SSPN: variants seen among roughly 807,000 people sequenced by gnomAD.
The protein encoded by SSPN is K-ras oncogene-associated protein.
SSPN carries 15 observed loss-of-function variants against 19.1 expected under a neutral mutation model. The observed-to-expected ratio is 0.78, with a 90% CI of 0.52 to 1.21. SSPN has a LOEUF of 1.21. Ranked by LOEUF, SSPN falls within the 50% of genes most tolerant of loss-of-function variation. The probability of loss-of-function intolerance (pLI) is 0.00; values close to 1 mark genes in which losing one functional copy is unlikely to be tolerated. For missense variants in SSPN, 291 were observed against 314.0 expected, an observed-to-expected ratio of 0.93 and a Z score of 0.55; for synonymous variants, 147 against 140.3, an observed-to-expected ratio of 1.05 and a Z score of -0.34.
chr12:26,178,269 T>C (rs529962274), intron 1 of SSPN, among the ~76,000 whole-genome samples: 17 of 152,338 alleles, frequency 1.1e-4, no homozygotes, highest in African/African-American at 3.8e-4. Flanking sequence ...AACTTCTCCG[T>C]GTGCTTTGGT....
intron 1 of SSPN, among the ~76,000 whole-genome samples, chr12:26,174,823 C>T (rs1944674807): frequency 6.6e-6 from 1 of 152,088 alleles, no homozygotes; most frequent in Non-Finnish European, 1.5e-5. Flanking sequence ...GCCCGGCCTC[C>T]CCCTACCATT....
chr12:26,159,557 C>G (rs184809359), intron 1 of SSPN, among the ~76,000 whole-genome samples: 20 of 152,326 alleles, frequency 1.3e-4, no homozygotes, highest in African/African-American at 4.8e-4. Context: ...TTCTGTCTTT[C>G]TGGATGATGG....
intron 1 of SSPN, among the ~76,000 whole-genome samples, chr12:26,207,529 G>A (rs1334122313): frequency 1.3e-5 from 2 of 152,022 alleles, no homozygotes; most frequent in Non-Finnish European, 2.9e-5. Context: ...TTATGCATAA[G>A]CCTGTTTTCA....
chr12:26,128,509 C>A (rs1944379613), intron 1 of SSPN, among the ~76,000 whole-genome samples: 1 of 152,174 alleles, frequency 6.6e-6, no homozygotes, highest in African/African-American at 2.4e-5. Flanking sequence ...CTCTGCTGAG[C>A]AAACTGAGCC....
chr12:26,200,618 TG>T (rs1944868652), intron 1 of SSPN, among the ~76,000 whole-genome samples: 1 of 152,210 alleles, frequency 6.6e-6, no homozygotes, highest in African/African-American at 2.4e-5. Context: ...GAGAAAGGTT[TG>T]GCATTAGGGT....
intron 1 of SSPN, among the ~76,000 whole-genome samples, chr12:26,174,026 T>G (rs1371099599): frequency 6.6e-6 from 1 of 152,166 alleles, no homozygotes; most frequent in Non-Finnish European, 1.5e-5. Context: ...AACCATCCTA[T>G]GACATGGAAG....
intron 1 of SSPN, among the ~76,000 whole-genome samples, chr12:26,158,957 CAG>C (rs770975503): frequency 6.6e-6 from 1 of 152,368 alleles, no homozygotes; most frequent in East Asian, 1.9e-4. Flanking sequence ...CTGACAGCAG[CAG>C]AGACAGCTGG....
chr12:26,193,097 A>G (rs1187213904), upstream of SSPN, among the ~76,000 whole-genome samples: 1 of 152,232 alleles, frequency 6.6e-6, no homozygotes, highest in Non-Finnish European at 1.5e-5. Flanking sequence ...GAATCAAGAT[A>G]TTTTTGTAAA....
intron 1 of SSPN, among the ~76,000 whole-genome samples, chr12:26,141,929 C>G (rs1401368809): frequency 1.3e-5 from 2 of 152,176 alleles, no homozygotes; most frequent in Non-Finnish European, 2.9e-5. Flanking sequence ...TGGGGAGTCA[C>G]AGGCACCCAT....
chr12:26,148,715 C>T (rs1341022692), intron 1 of SSPN, among the ~76,000 whole-genome samples: 2 of 152,108 alleles, frequency 1.3e-5, no homozygotes, highest in East Asian at 1.9e-4. Context: ...TTTAAAAAAG[C>T]TTGCTTTATG....
At chr12:26,187,218 C>T (rs1171996600) in intron 1 of SSPN, among the ~76,000 whole-genome samples, 2 of 152,246 alleles carry the variant, frequency 1.3e-5, no homozygotes, top group East Asian at 1.9e-4. Context: ...CCAGGCCACG[C>T]CCCAGGGCCC....
At chr12:26,201,166 C>T (rs549903808) in intron 1 of SSPN, among the ~76,000 whole-genome samples, 1 of 150,634 alleles carries the variant, frequency 6.6e-6, no homozygotes, top group Non-Finnish European at 1.5e-5. Context: ...TGCATGAGCT[C>T]AGGATTTTGA....
At position 26,201,025 on chromosome 12, in the gene SSPN, AT is replaced by A. The variant is rs1452852165; in HGVS notation, c.279+5075del. On this transcript the variant is annotated intron_variant, in intron 1 of 2. Transcript: ENST00000242729. Reference sequence around the variant, plus strand: ...AGTTAATTTGTGTATATATATATATATATATATATATATATATATATTATAT... The same window carrying A: ...AGTTAATTTGTGTATATATATATATAATATATATATATATATATATTATAT... Among the ~76,000 whole-genome samples, 3 of 57,740 alleles carry A rather than the reference AT, an allele frequency of 5.2e-5. 1 individual carries two copies. Among genetic ancestry groups the A allele is most frequent in the African/African-American group, 3.0e-4 (3 of 10,026 alleles). 37.9% of individuals were successfully genotyped at this position (57,740 alleles called of 152,430 possible).
chr12:26,230,560 T>C, intron 2 of SSPN, 151 bp from the exon 3 acceptor site: 1 of 814,700 alleles, frequency 1.2e-6, no homozygotes, highest in Non-Finnish European at 1.9e-6. Context: ...GCTATTTCCA[T>C]GTCTTGGGTG....
chr12:26,198,338 A>C (rs554418909), intron 1 of SSPN, among the ~76,000 whole-genome samples: 1 of 152,356 alleles, frequency 6.6e-6, no homozygotes, highest in African/African-American at 2.4e-5. Flanking sequence ...TTGTGTGCCA[A>C]ATAACTTGTA....
At chr12:26,209,774 T>C (rs985129629) in intron 1 of SSPN, among the ~76,000 whole-genome samples, 2 of 149,642 alleles carry the variant, frequency 1.3e-5, no homozygotes, top group Non-Finnish European at 3.0e-5. Context: ...TTTGGAATTC[T>C]TATAGCTCTG....
intron 1 of SSPN, among the ~76,000 whole-genome samples, chr12:26,152,919 T>G (rs1944534108): frequency 6.6e-6 from 1 of 152,228 alleles, no homozygotes. Context: ...CCAGCCATGC[T>G]GGCCATCTTT....
Position 26,195,591 on chromosome 12 carries a change from C to G in SSPN, c.-82C>G. Reference sequence around the variant, plus strand: ...AGCCTCCATAATTCGAATACCAGGGCAGGCCGAGCCAGCCGTGCGCCGCGC... The same window carrying G: ...AGCCTCCATAATTCGAATACCAGGGGAGGCCGAGCCAGCCGTGCGCCGCGC... On this transcript the variant is annotated 5_prime_UTR_variant, in exon 1 of 3. Coordinates refer to ENST00000242729, the MANE Select transcript of SSPN (RefSeq NM_005086.5). The G allele has an allele frequency of 7.5e-7, 1 of 1,334,900 alleles. No individual in the cohort carries two copies. The highest frequency in any genetic ancestry group is 9.5e-7 in the Non-Finnish European group (1 of 1,049,346). The allele number at this position is 1,334,900 out of a possible 1,614,324, so 82.7% of individuals were successfully genotyped here.
At chr12:26,124,705 G>A (rs1565665881) in intron 1 of SSPN, 1 of 1,613,694 alleles carries the variant, frequency 6.2e-7, no homozygotes, top group African/African-American at 1.3e-5. Flanking sequence ...TCGCAAGGGT[G>A]CGTGCACCTT....
Sources: gnomAD v4.1 joint callset for allele counts (sites outside exome capture counted in the v4.1 genomes callset) on GRCh38, gnomAD v4.1.1 for gene constraint, MANE v1.5 for transcripts, NCBI Gene and HGNC (gene_info 2026-07-23, HGNC 2026-07-21) for gene names.